Variants in SPRY3 observed in about 807,000 individuals in gnomAD.
The protein encoded by SPRY3 is protein sprouty homolog 3.
SPRY3 carries 15 observed loss-of-function variants against 20.2 expected under a neutral mutation model. The ratio of observed to expected loss-of-function variants is 0.74; its 90% confidence interval spans 0.50 to 1.14. The LOEUF (loss-of-function observed/expected upper bound fraction) is 1.14, where lower values mean the gene tolerates loss of function less well. Ranked by LOEUF, SPRY3 falls within the 50% of genes most tolerant of loss-of-function variation. SPRY3 has a pLI of 0.00. For missense variants in SPRY3, 364 were observed against 363.9 expected (o/e 1.00, Z 0.00); for synonymous variants, 143 against 136.5 (o/e 1.05, Z -0.33).
chrX:155,617,010 C>T (rs896769017), intron 1 of SPRY3, among the ~76,000 whole-genome samples: 13 of 107,424 alleles, frequency 1.2e-4, no homozygotes, highest in Admixed American at 2.1e-4. Flanking sequence ...GAAGAATTCC[C>T]TTGAAGATGA....
At chrX:155,624,517 CATCTATCT>C (rs141240143) in intron 1 of SPRY3, among the ~76,000 whole-genome samples, 15,860 of 102,092 alleles carry the variant, frequency 0.16, 1,027 homozygotes, top group Admixed American at 0.19. Context: ...ATTTATCTAT[CATCTATCT>C]ATCTATCTAT....
At chrX:155,767,253 A>G (rs1315634018) in intron 2 of SPRY3, among the ~76,000 whole-genome samples, 1 of 151,682 alleles carries the variant, frequency 6.6e-6, no homozygotes, top group Non-Finnish European at 1.5e-5. Flanking sequence ...AGAAATTATA[A>G]CGAGGAGCAA....
intron 2 of SPRY3, among the ~76,000 whole-genome samples, chrX:155,692,564 T>C (rs1475552440): frequency 1.8e-5 from 2 of 111,681 alleles, no homozygotes; most frequent in Non-Finnish European, 3.8e-5. Flanking sequence ...TCAATGTTTA[T>C]AGAAAAAAAT....
intron 2 of SPRY3, among the ~76,000 whole-genome samples, chrX:155,733,900 C>T (rs1419471871): frequency 2.0e-5 from 3 of 152,108 alleles, no homozygotes; most frequent in Non-Finnish European, 4.4e-5. Flanking sequence ...TAGCTTCAGA[C>T]TTTTCTTCTG....
At chrX:155,674,054 A>T (rs1331798710) in intron 2 of SPRY3, among the ~76,000 whole-genome samples, 1 of 111,948 alleles carries the variant, frequency 8.9e-6, no homozygotes, top group Non-Finnish European at 1.9e-5. Flanking sequence ...AACTTGGAAA[A>T]TTCACTCATC....
chrX:155,736,127 C>T (rs2091167563), intron 2 of SPRY3, among the ~76,000 whole-genome samples: 1 of 151,928 alleles, frequency 6.6e-6, no homozygotes, highest in Non-Finnish European at 1.5e-5. Flanking sequence ...ATCCCTTAAA[C>T]ATTTCTGTCA....
rs1338307440 is a variant in SPRY3 at position 155,662,234 on chromosome X, T to A, written c.-282+5209T>A. On this transcript the variant is annotated intron_variant, in intron 2 of 3. Transcript: ENST00000675360. ...TTGTTTCCCCCCACCCCCTTGAGTG[T>A]GTGACTGTAGTGTATGTTCAGTAGA... 2.7e-5 allele frequency among the ~76,000 whole-genome samples: 3 copies of A among 111,219 alleles called. No individual in the cohort carries two copies. The East Asian group carries it at 8.5e-4, about 32-fold the overall frequency.
intron 1 of SPRY3, among the ~76,000 whole-genome samples, chrX:155,651,009 T>G (rs1347483055): frequency 3.6e-5 from 4 of 111,081 alleles, no homozygotes; most frequent in Non-Finnish European, 7.6e-5. Context: ...AATGTACTAT[T>G]TTATATTCCC....
At chrX:155,629,880 G>A (rs998876309) in intron 1 of SPRY3, among the ~76,000 whole-genome samples, 12 of 111,683 alleles carry the variant, frequency 1.1e-4, no homozygotes, top group African/African-American at 3.9e-4. Context: ...TATTTCCTTT[G>A]CTATACAGCA....
intron 2 of SPRY3, among the ~76,000 whole-genome samples, chrX:155,699,587 C>A (rs902620617): frequency 9.0e-6 from 1 of 111,507 alleles, no homozygotes; most frequent in African/African-American, 3.3e-5. Context: ...TTCTCCTCTA[C>A]TTCCAATACA....
At chrX:155,713,794 C>T (rs2091003136) in intron 2 of SPRY3, among the ~76,000 whole-genome samples, 1 of 152,020 alleles carries the variant, frequency 6.6e-6, no homozygotes, top group Non-Finnish European at 1.5e-5. Flanking sequence ...ACTCATAGCT[C>T]TTTCCCTACC....
chrX:155,639,258 G>T (rs1241556244), intron 1 of SPRY3, among the ~76,000 whole-genome samples: 2 of 112,295 alleles, frequency 1.8e-5, no homozygotes, highest in African/African-American at 6.5e-5. Context: ...TTTGATGTTT[G>T]AGTATATACA....
intron 2 of SPRY3, among the ~76,000 whole-genome samples, chrX:155,737,236 T>C (rs1318610786): frequency 1.3e-5 from 2 of 152,148 alleles, no homozygotes; most frequent in African/African-American, 2.4e-5. Flanking sequence ...CTGGTTGTTT[T>C]TTTGTTCTTT....
intron 2 of SPRY3, among the ~76,000 whole-genome samples, chrX:155,745,285 T>A (rs986154557): frequency 6.6e-6 from 1 of 152,106 alleles, no homozygotes; most frequent in Non-Finnish European, 1.5e-5. Flanking sequence ...TATTCTTAAT[T>A]GTTTCTGTCA....
In SPRY3 at chrX:155,619,564, A is replaced by T. The variant is rs1166511099; in HGVS notation, c.-441+6917A>T. 2.7e-5 allele frequency among the ~76,000 whole-genome samples: 3 copies of T among 111,382 alleles called. No homozygotes were observed. In the East Asian group the frequency reaches 8.4e-4, roughly 31 times the overall value. On this transcript the variant is annotated intron_variant, in intron 1 of 3. Coordinates refer to ENST00000675360, the Ensembl canonical transcript of SPRY3. ...CAACTTAGAATTAATCATAGACCTA[A>T]ACGTAAATGCTGAAATTGTTAAGCA... is the stretch of plus-strand genomic sequence containing the variant.
chrX:155,757,163 C>G (rs924031466), intron 2 of SPRY3, among the ~76,000 whole-genome samples: 7 of 152,172 alleles, frequency 4.6e-5, no homozygotes, highest in African/African-American at 1.4e-4. Context: ...CAAGACTCCA[C>G]GTGATGTAAC....
intron 2 of SPRY3, among the ~76,000 whole-genome samples, chrX:155,707,250 T>C (rs1321370457): frequency 2.6e-5 from 4 of 151,242 alleles, no homozygotes; most frequent in Non-Finnish European, 4.5e-5. Flanking sequence ...TATTTATGGA[T>C]CGTTTGGAAG....
rs753677765 is a variant in SPRY3, at chrX:155,749,678, A to T, written c.-281-18284A>T. Among the ~76,000 whole-genome samples the T allele has an allele frequency of 2.5e-3, 387 of 151,910 alleles. 2 individuals are homozygous for T. The highest frequency in any genetic ancestry group is 8.9e-3 in the African/African-American group (367 of 41,416). ...GCAATAAGAATAGGCCAAATTATATAGGACCTTGTAGACTATTGTATTTTG... is the reference window on the plus strand; with the variant it reads ...GCAATAAGAATAGGCCAAATTATATTGGACCTTGTAGACTATTGTATTTTG... On this transcript the variant is annotated intron_variant, in intron 2 of 3. Transcript: ENST00000675360.
chrX:155,717,231 T>C lies in SPRY3; in HGVS notation c.-281-50731T>C, dbSNP rs750272542. The stretch of plus-strand genomic sequence containing the variant: ...AGATTTACCCTGTCTATGCTTGTTA[T>C]CTTCCCAATCAGCCAAGGATGTATG... On this transcript the variant is annotated intron_variant, in intron 2 of 3. Transcript: ENST00000675360. Among the ~76,000 whole-genome samples, 11 of 151,588 alleles carry C rather than the reference T, an allele frequency of 7.3e-5. No homozygotes were observed. The East Asian group carries it at 2.1e-3, about 30-fold the overall frequency.
Sources: allele counts gnomAD v4.1 joint callset (sites outside exome capture counted in the v4.1 genomes callset), GRCh38; gene constraint gnomAD v4.1.1; transcripts MANE v1.5; gene names NCBI Gene and HGNC (gene_info 2026-07-23, HGNC 2026-07-21).